The following LGSN variants were observed in gnomAD, a reference collection of about 807,000 sequenced individuals.
LGSN encodes the protein lengsin.
In LGSN, 21 loss-of-function variants were observed where a neutral mutation model predicts 19.5. The ratio of observed to expected loss-of-function variants is 1.07; its 90% CI spans 0.76 to 1.55. The LOEUF is 1.55. Ranked by LOEUF, LGSN falls within the 40% of genes most tolerant of loss-of-function variation. The pLI, the probability that LGSN is intolerant of heterozygous loss-of-function variation, is 0.00. For missense variants in LGSN, 673 were observed against 608.5 expected (o/e 1.11, Z -1.12); for synonymous variants, 257 against 215.6 (o/e 1.19, Z -1.68).
the LGSN span, among the ~76,000 whole-genome samples, chr6:63,531,472 T>C: frequency 2.6e-5 from 4 of 151,752 alleles, no homozygotes; most frequent in African/African-American, 9.7e-5. Flanking sequence ...GAAGAGATAA[T>C]GTAATATTTG....
chr6:63,422,429 T>G, the LGSN span, among the ~76,000 whole-genome samples: 2 of 152,150 alleles, frequency 1.3e-5, no homozygotes. Flanking sequence ...CCAGTGTTGA[T>G]AGTGGGTAGG....
the LGSN span, among the ~76,000 whole-genome samples, chr6:63,449,012 A>C: frequency 2.6e-5 from 4 of 152,316 alleles, no homozygotes; most frequent in South Asian, 8.3e-4. Context: ...AGATGAGTTA[A>C]AGTATATTGG....
the LGSN span, among the ~76,000 whole-genome samples, chr6:63,502,836 A>G: frequency 6.6e-6 from 1 of 152,224 alleles, no homozygotes; most frequent in Non-Finnish European, 1.5e-5. Context: ...GCAATACTAC[A>G]GACTTAGCCA....
intron 1 of LGSN, among the ~76,000 whole-genome samples, chr6:63,314,804 C>T (rs1434963621): frequency 6.6e-6 from 1 of 151,774 alleles, no homozygotes; most frequent in Non-Finnish European, 1.5e-5. Flanking sequence ...GAGAAAGAGC[C>T]GACTCAAGAA....
At chr6:63,412,774 A>AAGAAAG in the LGSN span, among the ~76,000 whole-genome samples, 2 of 138,716 alleles carry the variant, frequency 1.4e-5, no homozygotes, top group East Asian at 4.0e-4. Flanking sequence ...AAAGAAAGGA[A>AAGAAAG]GGAAGGGAAG....
At chr6:63,421,721 C>T in the LGSN span, among the ~76,000 whole-genome samples, 54 of 150,678 alleles carry the variant, frequency 3.6e-4, no homozygotes, top group Non-Finnish European at 2.1e-4. Flanking sequence ...AGTGAGACTC[C>T]GTCTCAAAAA....
Position 63,280,411 on chromosome 6 carries a change from C to T in LGSN, c.1140G>A (p.Val380=). The stretch of plus-strand genomic sequence containing the variant: ...TGTCATTGTATCCCCATGTTGTAGG[C>T]ACACTCTTCTTCAGGTCTTTCCTGT... ...SKDRKDLKKS[V]PTTWGYNDNS... Residue 380 remains valine, a synonymous_variant, in exon 4 of 4, where the codon GTG becomes GTA. Coordinates refer to ENST00000370657, the MANE Select transcript of LGSN (RefSeq NM_016571.3). 6.2e-7 allele frequency: 1 copy of T among 1,614,202 alleles called. No individual in the cohort carries two copies. The highest frequency in any genetic ancestry group is 8.5e-7 in the Non-Finnish European group (1 of 1,180,038).
intron 2 of LGSN, among the ~76,000 whole-genome samples, chr6:63,291,748 G>T (rs1029557603): frequency 3.3e-5 from 5 of 152,192 alleles, no homozygotes; most frequent in Admixed American, 3.3e-4. Context: ...GTATTTCCCT[G>T]CCTCTTTTCG....
chr6:63,329,358 C>G, the LGSN span, among the ~76,000 whole-genome samples: 1 of 152,180 alleles, frequency 6.6e-6, no homozygotes, highest in Non-Finnish European at 1.5e-5. Context: ...TCTGCTTCCT[C>G]TGGTATTTGA....
the LGSN span, among the ~76,000 whole-genome samples, chr6:63,486,575 C>A: frequency 6.6e-6 from 1 of 152,156 alleles, no homozygotes; most frequent in Non-Finnish European, 1.5e-5. Flanking sequence ...CAGGCAGATG[C>A]TGCACACACA....
At chr6:63,502,926 T>C in the LGSN span, among the ~76,000 whole-genome samples, 81,483 of 152,092 alleles carry the variant, frequency 0.54, 23,658 homozygotes, top group African/African-American at 0.77. Flanking sequence ...CTATGCTCTA[T>C]GCTCATCAGT....
At chr6:63,453,374 A>G in the LGSN span, among the ~76,000 whole-genome samples, 2 of 152,176 alleles carry the variant, frequency 1.3e-5, no homozygotes. Flanking sequence ...AAAAGAGTTG[A>G]TATATACAAC....
At chr6:63,445,878 A>G in the LGSN span, among the ~76,000 whole-genome samples, 1 of 152,100 alleles carries the variant, frequency 6.6e-6, no homozygotes, top group Admixed American at 6.6e-5. Context: ...AGTATCTCAG[A>G]CATCTCAACC....
chr6:63,499,646 C>G, the LGSN span, among the ~76,000 whole-genome samples: 1 of 152,086 alleles, frequency 6.6e-6, no homozygotes, highest in Non-Finnish European at 1.5e-5. Flanking sequence ...TCAGCGCAAT[C>G]TCCAAATATG....
Position 63,285,490 on chromosome 6 carries a change from C to T in LGSN, c.330+97G>A. 4 of 927,344 alleles carry T rather than the reference C, an allele frequency of 4.3e-6. No homozygotes were observed. In the South Asian group the frequency reaches 7.5e-5, roughly 17 times the overall value. 57.4% of individuals were successfully genotyped at this position (927,344 alleles called of 1,614,324 possible). A position where few individuals can be genotyped will look rare whatever the true frequency, so the allele number is the denominator to read the frequency against. ...AGTTATTGATTTTCAGCTTGAATTG[C>T]TGTATAAGATTACAAGAAAATAAGA... On this transcript the variant is annotated intron_variant, in intron 3 of 3. Coordinates refer to ENST00000370657, the MANE Select transcript of LGSN (RefSeq NM_016571.3).
At chr6:63,473,255 C>T in the LGSN span, among the ~76,000 whole-genome samples, 1 of 151,780 alleles carries the variant, frequency 6.6e-6, no homozygotes, top group Non-Finnish European at 1.5e-5. Flanking sequence ...GGCTGATTGC[C>T]TGAGCTCAGG....
the LGSN span, among the ~76,000 whole-genome samples, chr6:63,468,514 G>A: frequency 5.9e-5 from 9 of 152,040 alleles, no homozygotes; most frequent in Non-Finnish European, 5.9e-5. Context: ...TGCAGCCTCT[G>A]CCTCCTGGGT....
At chr6:63,426,888 CTG>C in the LGSN span, among the ~76,000 whole-genome samples, 17 of 152,098 alleles carry the variant, frequency 1.1e-4, no homozygotes. Context: ...TTCTGAATGA[CTG>C]TGGCATAAAA....
At chr6:63,360,094 C>A in the LGSN span, among the ~76,000 whole-genome samples, 1 of 152,180 alleles carries the variant, frequency 6.6e-6, no homozygotes, top group Non-Finnish European at 1.5e-5. Flanking sequence ...GTGCTCTTAA[C>A]ATTTTTTCCT....
Sources: allele counts gnomAD v4.1 joint callset (sites outside exome capture counted in the v4.1 genomes callset), GRCh38; gene constraint gnomAD v4.1.1; transcripts MANE v1.5; gene names NCBI Gene and HGNC (gene_info 2026-07-23, HGNC 2026-07-21).